EPRS1: variants seen among roughly 807,000 people sequenced by gnomAD.
EPRS1 encodes glutamyl-prolyl-tRNA synthetase 1.
EPRS1 carries 107 observed loss-of-function variants against 188.3 expected under a neutral mutation model. The observed-to-expected ratio is 0.57, with a 90% confidence interval of 0.49 to 0.67. The LOEUF is 0.67. Among genes scored for constraint, EPRS1 ranks in the 30% least tolerant of loss-of-function variants. The pLI, the probability that EPRS1 is intolerant of heterozygous loss-of-function variation, is 0.00. For synonymous variants in EPRS1, 596 were observed against 593.1 expected (o/e 1.00, Z -0.07); for missense variants, 1,577 against 1,802.2 (o/e 0.88, Z 2.26).
At chr1:220,037,357 T>C (rs1662204159) in intron 2 of EPRS1, among the ~76,000 whole-genome samples, 1 of 150,510 alleles carries the variant, frequency 6.6e-6, no homozygotes, top group African/African-American at 2.4e-5. Flanking sequence ...ATACAAAAAT[T>C]AGCCAGGCAT....
chr1:219,979,302 T>C (rs1426001269), intron 27 of EPRS1, 116 bp downstream of exon 27: 14 of 740,006 alleles, frequency 1.9e-5, no homozygotes, highest in Non-Finnish European at 2.9e-5. Context: ...CACGTTGTTT[T>C]TATTATCAGA....
chr1:220,007,843 GGCATGGTGGCTTAC>G (rs533167446), intron 13 of EPRS1, among the ~76,000 whole-genome samples: 23 of 152,322 alleles, frequency 1.5e-4, no homozygotes, highest in African/African-American at 5.5e-4. Flanking sequence ...TGCTTCGCTG[GGCATGGTGGCTTAC>G]GCCTGTAATC....
At chr1:220,029,078 G>A (rs1335297942) in intron 6 of EPRS1, among the ~76,000 whole-genome samples, 2 of 152,038 alleles carry the variant, frequency 1.3e-5, no homozygotes, top group Non-Finnish European at 2.9e-5. Context: ...AAAGACAAAT[G>A]TTCAAGTGGC....
At chr1:220,002,346 A>AG (rs2102577703) in intron 16 of EPRS1, among the ~76,000 whole-genome samples, 1 of 151,644 alleles carries the variant, frequency 6.6e-6, no homozygotes, top group South Asian at 2.1e-4. Context: ...GGAAAAAAAA[A>AG]AAGAAAAAAA....
At chr1:220,012,168 A>G (rs954995218) in intron 12 of EPRS1, among the ~76,000 whole-genome samples, 5 of 152,104 alleles carry the variant, frequency 3.3e-5, no homozygotes, top group Admixed American at 3.3e-4. Flanking sequence ...ATCTGCTTAT[A>G]TTTCATGCTA....
chr1:219,981,511 G>T, intron 23 of EPRS1, 54 bp from the exon 24 acceptor site: 1 of 1,095,890 alleles, frequency 9.1e-7, no homozygotes, highest in Non-Finnish European at 1.3e-6. Context: ...TTCTCCTTTA[G>T]GGATGTAACA....
At chr1:219,971,042 T>C (rs1405074507) in intron 30 of EPRS1, among the ~76,000 whole-genome samples, 1 of 152,088 alleles carries the variant, frequency 6.6e-6, no homozygotes, top group East Asian at 1.9e-4. Context: ...TTACATAAAT[T>C]CATGCTCATT....
chr1:220,007,703 T>C (rs897236243), intron 13 of EPRS1, among the ~76,000 whole-genome samples: 3 of 152,224 alleles, frequency 2.0e-5, no homozygotes, highest in African/African-American at 7.2e-5. Flanking sequence ...CTCATTGATT[T>C]CACAGCTAAG....
chr1:220,037,615 A>AT (rs1374332483), intron 2 of EPRS1, among the ~76,000 whole-genome samples: 14 of 152,010 alleles, frequency 9.2e-5, no homozygotes, highest in Non-Finnish European at 2.9e-5. Context: ...AGAGAAAAAC[A>AT]TTTTTCAAAG....
intron 15 of EPRS1, among the ~76,000 whole-genome samples, chr1:220,005,816 C>CT (rs1558052562): frequency 3.3e-4 from 41 of 122,868 alleles, no homozygotes; most frequent in African/African-American, 1.4e-3. Context: ...TTACTTACAT[C>CT]GTTTTTTTTT....
chr1:220,032,634 A>C (rs1186424326), intron 4 of EPRS1, 108 bp from the exon 5 acceptor site: 1 of 1,072,116 alleles, frequency 9.3e-7, no homozygotes. Flanking sequence ...TTGTGCTTCT[A>C]AAGAAAATGA....
chr1:220,011,164 T>G, intron 12 of EPRS1, 108 bp from the exon 13 acceptor site: 1 of 613,748 alleles, frequency 1.6e-6, no homozygotes, highest in Non-Finnish European at 2.9e-6. Context: ...GTTACTGCAT[T>G]TACTAATTTT....
chr1:219,980,964 A>C (rs11118480), intron 24 of EPRS1, 107 bp from the exon 25 acceptor site: 333,443 of 697,692 alleles, frequency 0.48, 79,776 homozygotes, highest in South Asian at 0.53. Context: ...CAGTGGTGCA[A>C]TCATGACTCA....
chr1:219,975,264 A>G (rs1660754612), intron 28 of EPRS1, among the ~76,000 whole-genome samples: 1 of 152,190 alleles, frequency 6.6e-6, no homozygotes, highest in Non-Finnish European at 1.5e-5. Flanking sequence ...TAAGGAGCCC[A>G]TTCACGCAGA....
chr1:220,046,274 C>A, intron 1 of EPRS1, 69 bp downstream of exon 1: 3 of 1,579,798 alleles, frequency 1.9e-6, no homozygotes, highest in Non-Finnish European at 2.6e-6. Flanking sequence ...CGGGGCGCAG[C>A]GACCTTCCAC....
chr1:220,022,432 T>C lies in EPRS1; in HGVS notation c.1030A>G (p.Met344Val). The stretch of plus-strand genomic sequence containing the variant: ...CTCATGCATCCATTGTTACTACTCA[T>C]GTCAATTTTTGCTCGCAAACAACAG... ...QSCCLRAKID[M>V]SSNNGCMRDP... The change falls in exon 9 of 32, where the codon ATG becomes GTG. Residue 344 changes from methionine (M) to valine (V), a missense_variant. Around this residue, in one of 3 missense-constraint regions of EPRS1, gnomAD observed 1,278 missense variants for 1,457.4 expected, o/e 0.88. Transcript: ENST00000366923. 2 of 1,614,186 alleles carry C rather than the reference T, an allele frequency of 1.2e-6. No homozygotes were observed. Among genetic ancestry groups the C allele is most frequent in the Non-Finnish European group, 1.7e-6 (2 of 1,179,992 alleles).
Position 220,024,490 on chromosome 1 carries a change from T to A in EPRS1, c.751-34A>T. On this transcript the variant is annotated intron_variant, in intron 7 of 31. Coordinates refer to ENST00000366923, the MANE Select transcript of EPRS1 (RefSeq NM_004446.3). The stretch of plus-strand genomic sequence containing the variant: ...AGAAACCAAAATAACCATCAGTATA[T>A]CTTTTGCATTTTTTCGTGCATTTTC... 3 of 1,513,564 alleles carry A rather than the reference T, an allele frequency of 2.0e-6. No individual in the cohort carries two copies. In the East Asian group the frequency reaches 6.8e-5, roughly 34 times the overall value. 93.8% of individuals were successfully genotyped at this position (1,513,564 alleles called of 1,614,324 possible). A position where few individuals can be genotyped will look rare whatever the true frequency, so the allele number is the denominator to read the frequency against.
chr1:220,027,517 G>C (rs1335248309), intron 6 of EPRS1, among the ~76,000 whole-genome samples: 1 of 148,590 alleles, frequency 6.7e-6, no homozygotes, highest in Admixed American at 6.8e-5. Context: ...GCTTGAACCT[G>C]GGAGATGGAG....
rs748483448 is a variant in EPRS1, at chr1:219,997,150, T to C, written c.2374A>G (p.Lys792Glu). ...KQLLSLKAEYKEKTGQEYKPG... is the reference protein window; with the variant it reads ...KQLLSLKAEYEEKTGQEYKPG... ...TTATATTCCTGGCCAGTTTTCTCCT[T>C]ATATTCAGCTTTCAAAGACAAAAGC... Residue 792 changes from lysine to glutamate, a missense_variant, in exon 18 of 32, where the codon AAG (lysine) becomes GAG (glutamate). Physicochemically the swap from Lys to Glu is moderately conservative, Grantham distance 56. Coordinates refer to ENST00000366923, the MANE Select transcript of EPRS1 (RefSeq NM_004446.3). The C allele has an allele frequency of 2.5e-6, 4 of 1,613,996 alleles. No individual in the cohort carries two copies. In the African/African-American group the frequency reaches 4.0e-5, roughly 16 times the overall value.
Sources: allele counts gnomAD v4.1 joint callset (sites outside exome capture counted in the v4.1 genomes callset), GRCh38; gene constraint gnomAD v4.1.1; regional missense constraint gnomAD v4.1.1; transcripts MANE v1.5; gene names NCBI Gene and HGNC (gene_info 2026-07-23, HGNC 2026-07-21).